Variants in GADL1 observed in about 807,000 individuals in gnomAD.
GADL1 encodes GAD like acidic amino acid decarboxylase 1, also known as acidic amino acid decarboxylase GADL1.
A neutral mutation model predicts 69.5 loss-of-function variants in GADL1; 71 were observed. The ratio of observed to expected loss-of-function variants is 1.02; its 90% CI spans 0.84 to 1.25. The LOEUF is 1.25. GADL1 is among the 50% of genes most tolerant of loss of function. The pLI, the probability that GADL1 is intolerant of heterozygous loss-of-function variation, is 0.00. For synonymous variants in GADL1, 254 were observed against 214.4 expected (o/e 1.18, Z -1.62); for missense variants, 737 against 631.8 (o/e 1.17, Z -1.79).
At chr3:30,873,451 A>C (rs1698523409) in intron 1 of GADL1, among the ~76,000 whole-genome samples, 1 of 151,976 alleles carries the variant, frequency 6.6e-6, no homozygotes, top group Non-Finnish European at 1.5e-5. Flanking sequence ...GCCTGATTCC[A>C]GATGCCATGT....
chr3:30,867,871 T>G (rs1698426504), intron 1 of GADL1, among the ~76,000 whole-genome samples: 1 of 152,002 alleles, frequency 6.6e-6, no homozygotes, highest in Non-Finnish European at 1.5e-5. Flanking sequence ...CAATAAAATA[T>G]GCTGAATGTA....
At chr3:30,778,295 G>A in intron 13 of GADL1, 27 bp from the exon 14 acceptor site, 1 of 1,376,354 alleles carries the variant, frequency 7.3e-7, no homozygotes, top group African/African-American at 1.5e-5. Flanking sequence ...ATATAAAGTT[G>A]TTATCTTAAG....
At chr3:30,894,365 G>A (rs1698825328) in intron 1 of GADL1, among the ~76,000 whole-genome samples, 1 of 152,154 alleles carries the variant, frequency 6.6e-6, no homozygotes, top group Non-Finnish European at 1.5e-5. Flanking sequence ...GCGGTTCTTC[G>A]CGCTTTATAA....
At chr3:30,772,986 T>C (rs927230093) in intron 14 of GADL1, among the ~76,000 whole-genome samples, 1 of 151,010 alleles carries the variant, frequency 6.6e-6, no homozygotes, top group African/African-American at 2.5e-5. Context: ...CGTCTAAACT[T>C]AAAACCAATG....
At position 30,772,500 on chromosome 3, in the gene GADL1, C is replaced by G. The variant is rs144583176; in HGVS notation, c.1392+5679G>C. On this transcript the variant is annotated intron_variant, in intron 14 of 14. Coordinates refer to ENST00000282538, the MANE Select transcript of GADL1 (RefSeq NM_207359.3). ...ATCTTTGCATTCTATCCTCAACTTTCTCATCCTCAATATCTGACCACTATA... is the reference window on the plus strand; with the variant it reads ...ATCTTTGCATTCTATCCTCAACTTTGTCATCCTCAATATCTGACCACTATA... 3.1e-3 allele frequency among the ~76,000 whole-genome samples: 479 copies of G among 152,288 alleles called. 4 individuals are homozygous for G. The highest frequency in any genetic ancestry group is 0.011 in the African/African-American group (459 of 41,558).
At chr3:30,763,633 TAAGA>T (rs1170974025) in intron 14 of GADL1, among the ~76,000 whole-genome samples, 4 of 152,206 alleles carry the variant, frequency 2.6e-5, no homozygotes, top group African/African-American at 9.6e-5. Context: ...AACTATAGTC[TAAGA>T]GGAAGCCTAT....
At position 30,850,927 on chromosome 3, in the gene GADL1, A is replaced by C; in HGVS notation, c.443T>G (p.Val148Gly). 1 of 1,537,860 alleles carries C rather than the reference A, an allele frequency of 6.5e-7. No homozygotes were observed. The highest frequency in any genetic ancestry group is 8.8e-7 in the Non-Finnish European group (1 of 1,134,648). Residue 148 changes from valine to glycine, a missense_variant, in exon 5 of 15, where the codon GTG (valine) becomes GGG (glycine). By Grantham distance (109) the Val-to-Gly change is moderately radical (BLOSUM62 -3). Coordinates refer to ENST00000282538, the MANE Select transcript of GADL1 (RefSeq NM_207359.3). ...TTCCACTAACAGAAACACTGGGGAC[A>C]CCTCATACGTATAACTAGATAGATA... is the stretch of plus-strand genomic sequence containing the variant. Reference protein sequence around the residue: ...ALNPSVYTYEVSPVFLLVEEA... With the variant: ...ALNPSVYTYEGSPVFLLVEEA...
intron 6 of GADL1, among the ~76,000 whole-genome samples, chr3:30,845,549 T>TA (rs773565287): frequency 6.6e-6 from 1 of 152,214 alleles, no homozygotes; most frequent in Non-Finnish European, 1.5e-5. Flanking sequence ...GCTCTTTTTT[T>TA]AACTCTGTAA....
chr3:30,752,073 T>C (rs1422714548), intron 14 of GADL1, among the ~76,000 whole-genome samples: 1 of 151,950 alleles, frequency 6.6e-6, no homozygotes. Flanking sequence ...TGCTGAAACC[T>C]ATTTCGTTAA....
chr3:30,857,132 A>C lies in GADL1; in HGVS notation c.220T>G (p.Trp74Gly). Residue 74 changes from tryptophan to glycine, a missense_variant, in exon 3 of 15, where the codon TGG becomes GGG. Coordinates refer to ENST00000282538, the MANE Select transcript of GADL1 (RefSeq NM_207359.3). ...TGTTTCAGTTGTTCAGGAGGCCTCC[A>C]TTCACACACCTGGAGATTCAACCAC... The part of the protein sequence containing the change: ...ATDVNEKVCE[W>G]RPPEQLKQLL... 1 of 1,550,224 alleles carries C rather than the reference A, an allele frequency of 6.5e-7. No individual in the cohort carries two copies. Among genetic ancestry groups the C allele is most frequent in the Admixed American group, 2.0e-5 (1 of 50,934 alleles).
At position 30,894,641 on chromosome 3, in the gene GADL1, CG is replaced by C; in HGVS notation, c.-28del. 6.5e-7 allele frequency: 1 copy of C among 1,548,592 alleles called. No homozygotes were observed. The highest frequency in any genetic ancestry group is 1.2e-5 in the South Asian group (1 of 83,866). On this transcript the variant is annotated 5_prime_UTR_variant, in exon 1 of 15. Transcript: ENST00000282538. ...TCCGCTCCCCCACTCCAGGCTGCCC[CG>C]GGCGCGGCTCCCGCAGTCTGGGCGG...
chr3:30,828,513 C>A (rs556109517), intron 11 of GADL1, among the ~76,000 whole-genome samples: 3 of 151,294 alleles, frequency 2.0e-5, no homozygotes, highest in Admixed American at 6.6e-5. Context: ...ATATTCCAAG[C>A]CTCCTCTAGA....
chr3:30,876,089 A>G (rs1050660489), intron 1 of GADL1, among the ~76,000 whole-genome samples: 1 of 152,010 alleles, frequency 6.6e-6, no homozygotes, highest in African/African-American at 2.4e-5. Context: ...TCTAATTCCT[A>G]TAATACATTC....
chr3:30,852,943 G>C lies in GADL1; in HGVS notation c.428+1756C>G, dbSNP rs1367968959. Among the ~76,000 whole-genome samples the C allele has an allele frequency of 5.3e-5, 8 of 152,120 alleles. No individual in the cohort carries two copies. The East Asian group carries it at 1.5e-3, about 29-fold the overall frequency. On this transcript the variant is annotated intron_variant, in intron 4 of 14. Transcript: ENST00000282538. ...AACTGATTGTAACCTGGTATCTGCT[G>C]TCATCACTCCATCAAAACCTCCCTA...
chr3:30,846,235 A>G (rs986359973), intron 6 of GADL1, among the ~76,000 whole-genome samples: 3 of 152,184 alleles, frequency 2.0e-5, no homozygotes, highest in African/African-American at 7.2e-5. Context: ...TTAGAAACAA[A>G]CAGTGGCGTT....
chr3:30,786,126 A>G (rs1473088945), intron 13 of GADL1, among the ~76,000 whole-genome samples: 2 of 152,226 alleles, frequency 1.3e-5, no homozygotes, highest in Non-Finnish European at 2.9e-5. Context: ...GGTAATTATT[A>G]TTGAGCATTT....
At chr3:30,791,611 T>G (rs1303161178) in intron 12 of GADL1, among the ~76,000 whole-genome samples, 1 of 152,166 alleles carries the variant, frequency 6.6e-6, no homozygotes, top group East Asian at 1.9e-4. Context: ...CTGAATTATT[T>G]CTGTTAAAAC....
intron 1 of GADL1, among the ~76,000 whole-genome samples, chr3:30,883,078 A>T (rs1183268638): frequency 6.6e-6 from 1 of 151,914 alleles, no homozygotes; most frequent in African/African-American, 2.4e-5. Context: ...TTATTTGAGA[A>T]TATTTTCTCT....
At chr3:30,763,427 G>T (rs1417926175) in intron 14 of GADL1, among the ~76,000 whole-genome samples, 3 of 149,066 alleles carry the variant, frequency 2.0e-5, no homozygotes, top group African/African-American at 7.5e-5. Flanking sequence ...GGCTGAACCC[G>T]GGAGGTGGAA....
Sources: gnomAD v4.1 joint callset for allele counts (sites outside exome capture counted in the v4.1 genomes callset) on GRCh38, gnomAD v4.1.1 for gene constraint, MANE v1.5 for transcripts, NCBI Gene and HGNC (gene_info 2026-07-23, HGNC 2026-07-21) for gene names.